TMEM131: variants seen among roughly 807,000 people sequenced by gnomAD.
TMEM131 encodes 2610524E03Rik.
In TMEM131, 66 loss-of-function variants were observed where a neutral mutation model predicts 211.6. That is an observed-to-expected ratio of 0.31 (90% CI 0.26 to 0.38). The LOEUF is 0.38. Among genes scored for constraint, TMEM131 ranks in the 10% least tolerant of loss-of-function variants. The probability of loss-of-function intolerance (pLI) is 1.00; values close to 1 mark genes in which losing one functional copy is unlikely to be tolerated. For synonymous variants in TMEM131, 844 were observed against 841.3 expected (o/e 1.00, Z -0.06); for missense variants, 2,036 against 2,299.3 (o/e 0.89, Z 2.34).
At chr2:97,935,002 AAT>A (rs1553616438) in intron 1 of TMEM131, among the ~76,000 whole-genome samples, 1 of 152,008 alleles carries the variant, frequency 6.6e-6, no homozygotes, top group African/African-American at 2.4e-5. Flanking sequence ...AGAAAAAAAA[AAT>A]GATAAATTGT....
chr2:97,832,269 T>C (rs7576509), intron 11 of TMEM131, among the ~76,000 whole-genome samples: 3,256 of 152,316 alleles, frequency 0.021, 120 homozygotes, highest in African/African-American at 0.074. Context: ...TTAGGGTTAA[T>C]TGCCAATTTC....
intron 1 of TMEM131, among the ~76,000 whole-genome samples, chr2:97,978,528 G>A (rs766959293): frequency 7.9e-5 from 12 of 152,118 alleles, no homozygotes; most frequent in Non-Finnish European, 1.5e-4. Flanking sequence ...GGGACAACAG[G>A]TGAGAGCCAC....
At chr2:97,888,226 A>G in intron 3 of TMEM131, 106 bp from the exon 4 acceptor site, 1 of 835,518 alleles carries the variant, frequency 1.2e-6, no homozygotes, top group Non-Finnish European at 1.8e-6. Context: ...CATTTTAAGA[A>G]AAATTGGGTC....
At chr2:97,851,413 C>A (rs1351506539) in intron 5 of TMEM131, among the ~76,000 whole-genome samples, 2 of 152,158 alleles carry the variant, frequency 1.3e-5, no homozygotes, top group Non-Finnish European at 2.9e-5. Context: ...TCTCTCAAAT[C>A]CCACATCAGG....
chr2:97,948,986 C>T (rs1188792980), intron 1 of TMEM131, among the ~76,000 whole-genome samples: 1 of 152,086 alleles, frequency 6.6e-6, no homozygotes, highest in African/African-American at 2.4e-5. Flanking sequence ...GAACACATAA[C>T]CCACCAGACA....
At chr2:97,815,165 A>C (rs1414305057) in intron 13 of TMEM131, 34 bp downstream of exon 13, 1 of 1,255,606 alleles carries the variant, frequency 8.0e-7, no homozygotes, top group Admixed American at 2.7e-5. Context: ...TGATTAGTAA[A>C]AAGTAATAGA....
At chr2:97,923,696 G>A (rs923871234) in intron 2 of TMEM131, among the ~76,000 whole-genome samples, 4 of 148,958 alleles carry the variant, frequency 2.7e-5, no homozygotes, top group Non-Finnish European at 4.4e-5. Context: ...ACATTCTAGA[G>A]CTTGCTTTCC....
chr2:97,893,958 T>G (rs113653858), intron 3 of TMEM131, among the ~76,000 whole-genome samples: 3,825 of 152,324 alleles, frequency 0.025, 163 homozygotes, highest in African/African-American at 0.088. Context: ...TGCCCATGCC[T>G]ACGTCCTGAA....
At chr2:97,820,779 C>T (rs1166040207) in intron 11 of TMEM131, among the ~76,000 whole-genome samples, 1 of 151,872 alleles carries the variant, frequency 6.6e-6, no homozygotes, top group East Asian at 1.9e-4. Flanking sequence ...CTACTTGAAT[C>T]CGGGAGGCGG....
intron 2 of TMEM131, among the ~76,000 whole-genome samples, chr2:97,911,328 C>T (rs552859758): frequency 6.6e-6 from 1 of 152,248 alleles, no homozygotes; most frequent in South Asian, 2.1e-4. Context: ...CACAAGTAGA[C>T]TTTTAAGGGT....
At chr2:97,979,837 T>C (rs983717207) in intron 1 of TMEM131, among the ~76,000 whole-genome samples, 6 of 152,248 alleles carry the variant, frequency 3.9e-5, no homozygotes, top group African/African-American at 1.4e-4. Context: ...ACAACTTGGC[T>C]GTTTGGTACG....
chr2:97,842,575 G>A (rs764000753), intron 6 of TMEM131, among the ~76,000 whole-genome samples: 2 of 152,064 alleles, frequency 1.3e-5, no homozygotes, highest in Non-Finnish European at 2.9e-5. Flanking sequence ...GGAGAGTGGA[G>A]GGCATTCAGA....
chr2:97,967,388 C>T (rs943790249), intron 1 of TMEM131, among the ~76,000 whole-genome samples: 1 of 152,060 alleles, frequency 6.6e-6, no homozygotes, highest in Admixed American at 6.6e-5. Flanking sequence ...GAAAGATGCA[C>T]ACTGACAGAA....
chr2:97,785,976 A>C (rs1573357671), intron 31 of TMEM131, among the ~76,000 whole-genome samples: 1 of 152,192 alleles, frequency 6.6e-6, no homozygotes, highest in East Asian at 1.9e-4. Context: ...TCATTTCAAG[A>C]ATGTTACATA....
chr2:97,759,654 C>T lies in TMEM131; in HGVS notation c.5204G>A (p.Gly1735Asp). ...CACATCTAGTGTTAAACACTCACCA[C>T]CAGTTAGATTAAAAGAGTTTCCAAA... ...SAFGNSFNLT[G>D]EVFSKLGLSR... Residue 1735 changes from glycine (G) to aspartate (D), a missense_variant and splice_region_variant, in exon 39 of 41, where the codon GGT (glycine) becomes GAT (aspartate). By Grantham distance (94) the Gly-to-Asp change is moderately conservative. Around this residue, in one of 3 missense-constraint regions of TMEM131, gnomAD observed 1,623 missense variants for 1,805.9 expected, o/e 0.90. Transcript: ENST00000186436. 2 of 1,611,492 alleles carry T rather than the reference C, an allele frequency of 1.2e-6. No individual in the cohort carries two copies. The highest frequency in any genetic ancestry group is 1.7e-6 in the Non-Finnish European group (2 of 1,178,242).
At chr2:97,837,766 C>A (rs1683001655) in intron 7 of TMEM131, among the ~76,000 whole-genome samples, 1 of 152,076 alleles carries the variant, frequency 6.6e-6, no homozygotes, top group Non-Finnish European at 1.5e-5. Flanking sequence ...TTAAAGTATA[C>A]AACCTGATGA....
At chr2:97,829,543 A>C (rs1249504991) in intron 11 of TMEM131, among the ~76,000 whole-genome samples, 4 of 152,200 alleles carry the variant, frequency 2.6e-5, no homozygotes, top group African/African-American at 2.4e-5. Flanking sequence ...AAAATGGACG[A>C]ATCAGCAGAA....
At chr2:97,899,819 A>G (rs1675773244) in intron 3 of TMEM131, among the ~76,000 whole-genome samples, 1 of 152,168 alleles carries the variant, frequency 6.6e-6, no homozygotes, top group Admixed American at 6.6e-5. Context: ...ATTTTAAAAT[A>G]TGTACACATT....
rs548925488 is a variant in TMEM131, at chr2:97,760,125, G to C, written c.5109-376C>G. The C allele has an allele frequency of 1.2e-5, 3 of 244,398 alleles. No individual in the cohort carries two copies. In the South Asian group the frequency reaches 2.0e-4, roughly 17 times the overall value. The allele number at this position is 244,398 out of a possible 1,614,324, so 15.1% of individuals were successfully genotyped here. A position where few individuals can be genotyped will look rare whatever the true frequency, so the allele number is the denominator to read the frequency against. On this transcript the variant is annotated intron_variant, in intron 38 of 40. Transcript: ENST00000186436. ...TTGGGGCTCTATTGTTGCTTATCTG[G>C]AAAAGTCAACCAAGGTGACTGCTGC...
Sources: gnomAD v4.1 joint callset for allele counts (sites outside exome capture counted in the v4.1 genomes callset) on GRCh38, gnomAD v4.1.1 for gene constraint, gnomAD v4.1.1 regional missense constraint, MANE v1.5 for transcripts, NCBI Gene and HGNC (gene_info 2026-07-23, HGNC 2026-07-21) for gene names.